TENM2: variants seen among roughly 807,000 people sequenced by gnomAD.
TENM2 encodes the protein teneurin-2.
Under a neutral mutation model 245.2 loss-of-function variants are expected in TENM2, and 52 were observed. That is an observed-to-expected ratio of 0.21 (90% confidence interval 0.17 to 0.27). The LOEUF (loss-of-function observed/expected upper bound fraction) is 0.27. Among genes scored for constraint, TENM2 ranks in the 10% least tolerant of loss-of-function variants. TENM2 has a pLI of 1.00. For missense variants in TENM2, 3,046 were observed against 3,666.8 expected, an observed-to-expected ratio of 0.83 and a Z score of 4.37; for synonymous variants, 1,363 against 1,438.9, an observed-to-expected ratio of 0.95 and a Z score of 1.19.
intron 5 of TENM2, among the ~76,000 whole-genome samples, chr5:168,045,142 C>T (rs1002485452): frequency 3.9e-5 from 6 of 152,154 alleles, no homozygotes; most frequent in African/African-American, 9.7e-5. Flanking sequence ...TCCCCTTCTC[C>T]ACCTCCATCT....
intron 1 of TENM2, among the ~76,000 whole-genome samples, chr5:167,362,489 A>G (rs1459437314): frequency 6.6e-6 from 1 of 152,214 alleles, no homozygotes. Flanking sequence ...CCATCTCACT[A>G]GATGTCAGAA....
chr5:167,111,878 T>C, the TENM2 span, among the ~76,000 whole-genome samples: 2 of 152,216 alleles, frequency 1.3e-5, no homozygotes, highest in African/African-American at 4.8e-5. Flanking sequence ...TTATGCCTCA[T>C]CCAAATTACT....
chr5:168,262,793 G>C, exon 29 of TENM2: 1 of 1,603,734 alleles, frequency 6.2e-7, no homozygotes, highest in African/African-American at 1.3e-5. Flanking sequence ...AAGACAGAAT[G>C]AGATGGGAAA....
the TENM2 span, among the ~76,000 whole-genome samples, chr5:167,188,318 GC>G: frequency 1.3e-5 from 2 of 152,174 alleles, no homozygotes; most frequent in Non-Finnish European, 2.9e-5. Context: ...GCGGGCTGCT[GC>G]TGGAAAGGGC....
chr5:168,219,235 G>A (rs984985533), intron 23 of TENM2, among the ~76,000 whole-genome samples: 1 of 152,192 alleles, frequency 6.6e-6, no homozygotes, highest in African/African-American at 2.4e-5. Context: ...CCTGTTGCCT[G>A]CTTGCCGTTC....
chr5:167,384,873 A>C (rs189180226), intron 2 of TENM2, among the ~76,000 whole-genome samples: 162 of 152,360 alleles, frequency 1.1e-3, no homozygotes, highest in Non-Finnish European at 1.6e-3. Context: ...TCTGACTACC[A>C]TATGAATGCT....
At chr5:167,716,484 T>C (rs1759266493) in intron 2 of TENM2, among the ~76,000 whole-genome samples, 1 of 152,262 alleles carries the variant, frequency 6.6e-6, no homozygotes, top group Non-Finnish European at 1.5e-5. Flanking sequence ...TTGGCTTTTA[T>C]TGTTAATATT....
At chr5:168,139,731 C>G (rs1357618194) in intron 12 of TENM2, among the ~76,000 whole-genome samples, 1 of 152,138 alleles carries the variant, frequency 6.6e-6, no homozygotes, top group African/African-American at 2.4e-5. Flanking sequence ...GTGCATTCAA[C>G]AGGGTGTAAG....
chr5:167,529,935 G>A (rs761824214), intron 2 of TENM2, among the ~76,000 whole-genome samples: 10 of 152,116 alleles, frequency 6.6e-5, no homozygotes, highest in Non-Finnish European at 1.3e-4. Context: ...TCAATTCATT[G>A]GGGTGCAGTA....
At chr5:167,289,438 C>A (rs1754512595) in intron 1 of TENM2, among the ~76,000 whole-genome samples, 1 of 152,148 alleles carries the variant, frequency 6.6e-6, no homozygotes, top group African/African-American at 2.4e-5. Flanking sequence ...GTCAGGCTGG[C>A]TGTCTAGGTC....
intron 2 of TENM2, among the ~76,000 whole-genome samples, chr5:167,813,322 G>T (rs1766782534): frequency 6.6e-6 from 1 of 151,996 alleles, no homozygotes; most frequent in South Asian, 2.1e-4. Context: ...AGAGGAAGGG[G>T]AAATATTACG....
intron 19 of TENM2, among the ~76,000 whole-genome samples, chr5:168,205,295 T>C (rs1339810494): frequency 6.6e-6 from 1 of 151,512 alleles, no homozygotes; most frequent in African/African-American, 2.4e-5. Context: ...ATGTATACCA[T>C]GTCCCAGGAG....
chr5:168,127,477 C>A (rs1418060350), intron 12 of TENM2, among the ~76,000 whole-genome samples: 1 of 152,194 alleles, frequency 6.6e-6, no homozygotes, highest in Non-Finnish European at 1.5e-5. Context: ...CATGTCTCCT[C>A]CTCTGGTCCC....
At chr5:167,378,204 T>G (rs768783886) in intron 2 of TENM2, among the ~76,000 whole-genome samples, 1 of 152,116 alleles carries the variant, frequency 6.6e-6, no homozygotes, top group Non-Finnish European at 1.5e-5. Flanking sequence ...TTTGGTAATA[T>G]GAAGTGTATA....
At chr5:168,056,883 A>G (rs950072385) in intron 6 of TENM2, among the ~76,000 whole-genome samples, 2 of 152,132 alleles carry the variant, frequency 1.3e-5, no homozygotes, top group Non-Finnish European at 2.9e-5. Context: ...CATGCTGTAC[A>G]TGTTTGTAAC....
At chr5:167,373,416 G>A (rs185764660) in intron 1 of TENM2, among the ~76,000 whole-genome samples, 9 of 152,282 alleles carry the variant, frequency 5.9e-5, no homozygotes, top group East Asian at 3.9e-4. Flanking sequence ...ATAGATATAC[G>A]TAGAGTGGGT....
exon 13 of TENM2, chr5:168,162,639 C>T (rs375715058): frequency 4.8e-5 from 78 of 1,613,966 alleles, no homozygotes; most frequent in African/African-American, 2.8e-4. Context: ...GCAACGGTAA[C>T]GGGAGATGCA....
At chr5:167,642,961 G>A (rs1779707626) in intron 2 of TENM2, among the ~76,000 whole-genome samples, 1 of 152,148 alleles carries the variant, frequency 6.6e-6, no homozygotes, top group African/African-American at 2.4e-5. Flanking sequence ...ATGCCACAGT[G>A]CTCAGCGGAT....
the TENM2 span, among the ~76,000 whole-genome samples, chr5:167,003,335 A>G: frequency 6.6e-6 from 1 of 152,180 alleles, no homozygotes; most frequent in Non-Finnish European, 1.5e-5. Flanking sequence ...CCTACAAATA[A>G]AAACCTCTTC....
Sources: allele counts gnomAD v4.1 joint callset (sites outside exome capture counted in the v4.1 genomes callset), GRCh38; gene constraint gnomAD v4.1.1; transcripts MANE v1.5; gene names NCBI Gene and HGNC (gene_info 2026-07-23, HGNC 2026-07-21).